BCAT1: variants seen among roughly 807,000 people sequenced by gnomAD.
BCAT1 encodes branched chain amino acid transaminase 1, also known as branched-chain-amino-acid aminotransferase, cytosolic.
Under a neutral mutation model 52.4 loss-of-function variants are expected in BCAT1, and 48 were observed. The ratio of observed to expected loss-of-function variants is 0.92; its 90% CI spans 0.73 to 1.16. The LOEUF (loss-of-function observed/expected upper bound fraction) is 1.16. BCAT1 is among the 50% of genes most tolerant of loss of function. The pLI is 0.00. For missense variants in BCAT1, 451 were observed against 457.1 expected, an observed-to-expected ratio of 0.99 and a Z score of 0.12; for synonymous variants, 167 against 161.3, an observed-to-expected ratio of 1.04 and a Z score of -0.27.
intron 7 of BCAT1, among the ~76,000 whole-genome samples, chr12:24,841,780 G>T (rs1024264222): frequency 6.6e-6 from 1 of 152,150 alleles, no homozygotes; most frequent in South Asian, 2.1e-4. Flanking sequence ...ATGGTGGCAG[G>T]CTCCTGCAAT....
intron 3 of BCAT1, among the ~76,000 whole-genome samples, chr12:24,893,543 A>T (rs1252492050): frequency 6.6e-6 from 1 of 152,184 alleles, no homozygotes; most frequent in East Asian, 1.9e-4. Context: ...CATAATACAG[A>T]ACGTATTGCA....
At chr12:24,852,347 T>C (rs1208029556) in intron 5 of BCAT1, among the ~76,000 whole-genome samples, 2 of 152,234 alleles carry the variant, frequency 1.3e-5, no homozygotes, top group Admixed American at 6.5e-5. Context: ...AGATATAATA[T>C]GCTGGCATCA....
chr12:24,943,767 G>T (rs2352747), intron 1 of BCAT1, among the ~76,000 whole-genome samples: 145,752 of 152,108 alleles, frequency 0.96, 69,945 homozygotes, highest in East Asian at 1. Flanking sequence ...GGCAGATCAC[G>T]AGGTCAGGAG....
intron 10 of BCAT1, among the ~76,000 whole-genome samples, chr12:24,820,334 T>A (rs1940062636): frequency 6.6e-6 from 1 of 152,226 alleles, no homozygotes; most frequent in Non-Finnish European, 1.5e-5. Context: ...AGGCATTTAG[T>A]AATCAGATTT....
intron 3 of BCAT1, among the ~76,000 whole-genome samples, chr12:24,885,530 T>A (rs77025935): frequency 0.059 from 9,052 of 152,224 alleles, 349 homozygotes; most frequent in Non-Finnish European, 0.079. Flanking sequence ...TTTAAAAAAC[T>A]GCATGACAAA....
intron 1 of BCAT1, among the ~76,000 whole-genome samples, chr12:24,943,393 T>C (rs1289911384): frequency 6.9e-6 from 1 of 144,648 alleles, no homozygotes; most frequent in Non-Finnish European, 1.5e-5. Context: ...CTCAGGGAGC[T>C]GAGGCAGGAA....
chr12:24,866,351 C>A (rs1015574769), intron 5 of BCAT1, among the ~76,000 whole-genome samples: 11 of 152,320 alleles, frequency 7.2e-5, no homozygotes, highest in Admixed American at 2.0e-4. Context: ...TCGGGACCTG[C>A]AGCCTGCCAT....
At chr12:24,891,915 A>ATTTT (rs10616253) in intron 3 of BCAT1, among the ~76,000 whole-genome samples, 13 of 144,280 alleles carry the variant, frequency 9.0e-5, no homozygotes, top group African/African-American at 3.3e-4. Flanking sequence ...CGCCCGGCTA[A>ATTTT]TTTTTTTTTT....
At chr12:24,842,883 T>C (rs930622154) in intron 6 of BCAT1, among the ~76,000 whole-genome samples, 3 of 152,204 alleles carry the variant, frequency 2.0e-5, no homozygotes, top group Non-Finnish European at 4.4e-5. Flanking sequence ...TTTCCCGGAA[T>C]GACAATTTAG....
At chr12:24,902,575 G>T in intron 1 of BCAT1, 1 of 448,350 alleles carries the variant, frequency 2.2e-6, no homozygotes, top group Non-Finnish European at 3.4e-6. Flanking sequence ...TTTTGGGGTG[G>T]CAGAGTCACG....
At chr12:24,915,634 C>A (rs1026086895) in intron 1 of BCAT1, among the ~76,000 whole-genome samples, 2 of 152,134 alleles carry the variant, frequency 1.3e-5, no homozygotes, top group African/African-American at 4.8e-5. Context: ...ATAAAGCTAA[C>A]CCTGGTAAGA....
rs752941701 is a variant in BCAT1, at chr12:24,816,195, T to C, written c.*1813A>G. On this transcript the variant is annotated 3_prime_UTR_variant, in exon 11 of 11. Coordinates refer to ENST00000261192, the MANE Select transcript of BCAT1 (RefSeq NM_005504.7). Reference sequence around the variant, plus strand: ...TATAAAAGACCCTATGGCTAAAAGTTTTGGAAAAGAATCAAAGCCCATTTT... The same window carrying C: ...TATAAAAGACCCTATGGCTAAAAGTCTTGGAAAAGAATCAAAGCCCATTTT... 3.1e-4 allele frequency: 82 copies of C among 265,010 alleles called. 1 individual carries two copies. The highest frequency in any genetic ancestry group is 1.5e-3 in the South Asian group (9 of 5,842). The allele number at this position is 265,010 out of a possible 1,614,324, so 16.4% of individuals were successfully genotyped here.
rs374512227 is a variant in BCAT1 at position 24,836,534 on chromosome 12, T to G, written c.880A>C (p.Ile294Leu). The change falls in exon 8 of 11, where the codon ATT becomes CTT. Residue 294 changes from isoleucine to leucine, a missense_variant. Ile to Leu is a conservative substitution (Grantham distance 5). Coordinates refer to ENST00000261192, the MANE Select transcript of BCAT1 (RefSeq NM_005504.7). ...IILPGVTRRC[I>L]LDLAHQWGEF... The stretch of plus-strand genomic sequence containing the variant: ...ACCCACTGATGTGCCAGGTCCAGAA[T>G]GCACCGCCTTGTCACTCCTGGAAGA... The G allele has an allele frequency of 1.1e-4, 183 of 1,613,082 alleles. 1 individual carries two copies. The highest frequency in any genetic ancestry group is 2.5e-5 in the Non-Finnish European group (29 of 1,179,630).
At chr12:24,864,781 A>G (rs1401048225) in intron 5 of BCAT1, among the ~76,000 whole-genome samples, 2 of 151,944 alleles carry the variant, frequency 1.3e-5, no homozygotes, top group African/African-American at 2.4e-5. Context: ...CCATTCTCTC[A>G]TTCTCTCTCA....
intron 1 of BCAT1, among the ~76,000 whole-genome samples, chr12:24,911,217 T>C (rs1943320406): frequency 6.6e-6 from 1 of 152,256 alleles, no homozygotes; most frequent in South Asian, 2.1e-4. Flanking sequence ...AATTTTTATT[T>C]ATGTTTGTTT....
chr12:24,898,082 G>A (rs369503925), intron 2 of BCAT1, among the ~76,000 whole-genome samples: 1 of 152,244 alleles, frequency 6.6e-6, no homozygotes. Flanking sequence ...CTCGTTTGGG[G>A]CAGATATGAA....
At chr12:24,879,995 A>G (rs2139595465) in intron 4 of BCAT1, among the ~76,000 whole-genome samples, 1 of 152,338 alleles carries the variant, frequency 6.6e-6, no homozygotes, top group African/African-American at 2.4e-5. Flanking sequence ...AAGAAGAGCG[A>G]AACTATGCCC....
At position 24,838,875 on chromosome 12, in the gene BCAT1, G is replaced by A. The variant is rs1396993060; in HGVS notation, c.818-2279C>T. 5.3e-5 allele frequency among the ~76,000 whole-genome samples: 8 copies of A among 152,290 alleles called. No individual in the cohort carries two copies. In the East Asian group the frequency reaches 1.5e-3, roughly 29 times the overall value. ...GACAAAGAAGTCATTTTTAGGAGAT[G>A]AGGAATTTAGAAGCAATAACAGCAG... On this transcript the variant is annotated intron_variant, in intron 7 of 10. Coordinates refer to ENST00000261192, the MANE Select transcript of BCAT1 (RefSeq NM_005504.7).
chr12:24,892,873 AC>A (rs1238611487), intron 3 of BCAT1, among the ~76,000 whole-genome samples: 4 of 152,028 alleles, frequency 2.6e-5, no homozygotes, highest in Non-Finnish European at 5.9e-5. Context: ...AAATAAAAGC[AC>A]TTCATTTCAC....
Sources: gnomAD v4.1 joint callset for allele counts (sites outside exome capture counted in the v4.1 genomes callset) on GRCh38, gnomAD v4.1.1 for gene constraint, MANE v1.5 for transcripts, NCBI Gene and HGNC (gene_info 2026-07-23, HGNC 2026-07-21) for gene names.